The following GNA12 variants were observed in gnomAD, a reference collection of about 807,000 sequenced individuals.
GNA12 encodes the protein guanine nucleotide-binding protein subunit alpha-12.
GNA12 carries 9 observed loss-of-function variants against 26.0 expected under a neutral mutation model. The observed-to-expected ratio is 0.35, with a 90% CI of 0.21 to 0.60. The LOEUF (loss-of-function observed/expected upper bound fraction) is 0.60. Among genes scored for constraint, GNA12 ranks in the 20% least tolerant of loss-of-function variants. The pLI is 0.78. For missense variants in GNA12, 405 were observed against 525.8 expected (o/e 0.77, Z 2.25); for synonymous variants, 264 against 219.6 (o/e 1.20, Z -1.79).
In GNA12 at chr7:2,772,985, C is replaced by G. The variant is rs567903084; in HGVS notation, c.525+21943G>C. On this transcript the variant is annotated intron_variant, in intron 2 of 3. Coordinates refer to ENST00000275364, the MANE Select transcript of GNA12 (RefSeq NM_007353.3). Reference sequence around the variant, plus strand: ...GAAAATACCAATCCACGTAGCAACACAGATGAATCTCTCAGTCATTAAGCA... The same window carrying G: ...GAAAATACCAATCCACGTAGCAACAGAGATGAATCTCTCAGTCATTAAGCA... Among the ~76,000 whole-genome samples the G allele has an allele frequency of 2.6e-5, 4 of 152,352 alleles. No individual in the cohort carries two copies. In the South Asian group the frequency reaches 6.2e-4, roughly 24 times the overall value.
intron 1 of GNA12, among the ~76,000 whole-genome samples, chr7:2,796,722 ATAAAGT>A (rs1210385913): frequency 8.5e-5 from 13 of 152,326 alleles, no homozygotes; most frequent in South Asian, 2.1e-4. Context: ...ATTGTTAAAG[ATAAAGT>A]TAATGTTGTT....
At chr7:2,824,409 GC>G (rs1421152166) in intron 1 of GNA12, among the ~76,000 whole-genome samples, 1 of 152,124 alleles carries the variant, frequency 6.6e-6, no homozygotes, top group East Asian at 1.9e-4. Flanking sequence ...GTCTGCGGAG[GC>G]CTCTGCACTT....
At chr7:2,837,618 G>A (rs75518629) in intron 1 of GNA12, among the ~76,000 whole-genome samples, 4,968 of 152,242 alleles carry the variant, frequency 0.033, 283 homozygotes, top group African/African-American at 0.11. Context: ...TCGGAGAGGA[G>A]ACCAACTCAA....
chr7:2,838,426 G>C (rs1052022882), intron 1 of GNA12, among the ~76,000 whole-genome samples: 1 of 151,974 alleles, frequency 6.6e-6, no homozygotes, highest in Non-Finnish European at 1.5e-5. Flanking sequence ...AATAAATATA[G>C]ATTAAAAATT....
chr7:2,746,072 G>A (rs1450988107), intron 2 of GNA12, among the ~76,000 whole-genome samples: 1 of 152,098 alleles, frequency 6.6e-6, no homozygotes, highest in Non-Finnish European at 1.5e-5. Context: ...ATAATAATGG[G>A]AGACTTTAAC....
rs1415702376 is a variant in GNA12 at position 2,843,713 on chromosome 7, G to A, written c.309+140C>T. 18 of 433,430 alleles carry A rather than the reference G, an allele frequency of 4.2e-5. No individual in the cohort carries two copies. In the East Asian group the frequency reaches 4.8e-4, roughly 12 times the overall value. 26.8% of individuals were successfully genotyped at this position (433,430 alleles called of 1,614,324 possible). On this transcript the variant is annotated intron_variant, in intron 1 of 3. Transcript: ENST00000275364. ...GCCTCGGGGAATGGGTCGGGGGGGA[G>A]TGGGGTGCAGGCGGGGCTGGATCCA...
At chr7:2,784,328 C>T (rs1274256413) in intron 2 of GNA12, among the ~76,000 whole-genome samples, 1 of 152,156 alleles carries the variant, frequency 6.6e-6, no homozygotes, top group Non-Finnish European at 1.5e-5. Context: ...CCCCGTTGCC[C>T]AGGCTGGTCT....
chr7:2,755,735 G>A (rs1205913864), intron 2 of GNA12, among the ~76,000 whole-genome samples: 1 of 151,956 alleles, frequency 6.6e-6, no homozygotes, highest in Non-Finnish European at 1.5e-5. Context: ...TCCTTTTCTT[G>A]CCTTACTGCA....
At chr7:2,836,160 C>T in intron 1 of GNA12, 1 of 225,426 alleles carries the variant, frequency 4.4e-6, no homozygotes, top group South Asian at 6.6e-5. Context: ...TAATGAACTG[C>T]AGAGGATAGA....
At chr7:2,737,115 C>A (rs975178049) in intron 2 of GNA12, among the ~76,000 whole-genome samples, 2 of 152,040 alleles carry the variant, frequency 1.3e-5, no homozygotes, top group East Asian at 1.9e-4. Context: ...AAAAGGTAAC[C>A]GTGGATTGGT....
At chr7:2,804,197 T>C (rs893156753) in intron 1 of GNA12, among the ~76,000 whole-genome samples, 2 of 152,270 alleles carry the variant, frequency 1.3e-5, no homozygotes, top group Non-Finnish European at 2.9e-5. Flanking sequence ...CTTCATGTGC[T>C]AATTCAGTGT....
intron 2 of GNA12, among the ~76,000 whole-genome samples, chr7:2,791,568 C>T (rs1055216300): frequency 6.6e-6 from 1 of 152,228 alleles, no homozygotes; most frequent in African/African-American, 2.4e-5. Context: ...TAGTACCTGG[C>T]TGACAGCAAT....
At chr7:2,794,855 T>TCAAC in intron 2 of GNA12, 73 bp downstream of exon 2, 1 of 1,097,210 alleles carries the variant, frequency 9.1e-7, no homozygotes, top group Non-Finnish European at 1.4e-6. Flanking sequence ...TTAAGGAAAT[T>TCAAC]CAACTAACGG....
chr7:2,832,537 G>A (rs1215705886), intron 1 of GNA12, among the ~76,000 whole-genome samples: 1 of 152,144 alleles, frequency 6.6e-6, no homozygotes, highest in Non-Finnish European at 1.5e-5. Context: ...AGATTCTTCG[G>A]GTCTCAGTGT....
At position 2,808,354 on chromosome 7, in the gene GNA12, C is replaced by T. The variant is rs143416237; in HGVS notation, c.310-13211G>A. Among the ~76,000 whole-genome samples, 39 of 152,344 alleles carry T rather than the reference C, an allele frequency of 2.6e-4. No individual in the cohort carries two copies. In the East Asian group the frequency reaches 7.3e-3, roughly 29 times the overall value. On this transcript the variant is annotated intron_variant, in intron 1 of 3. Coordinates refer to ENST00000275364, the MANE Select transcript of GNA12 (RefSeq NM_007353.3). ...CCCTGCTACCATGCTGCCTGAAAAGCTGCTTCTGCACCTTCTGCAGATCAG... is the reference window on the plus strand; with the variant it reads ...CCCTGCTACCATGCTGCCTGAAAAGTTGCTTCTGCACCTTCTGCAGATCAG...
chr7:2,824,388 G>C (rs528834088), intron 1 of GNA12, among the ~76,000 whole-genome samples: 1 of 152,246 alleles, frequency 6.6e-6, no homozygotes. Context: ...CCATCACACT[G>C]GCTCCTCTGG....
chr7:2,733,493 C>T lies in GNA12; in HGVS notation c.534G>A (p.Ser178=), dbSNP rs35958373. Residue 178 remains serine, a synonymous_variant, in exon 3 of 4, where the codon TCG becomes TCA. Transcript: ENST00000275364. The part of the protein sequence containing the change: ...SRRSEFQLGE[S]VKYFLDNLDR... ...CCAAGTTGTCCAGGAAGTACTTCACCGACTCCCCCTGTCAGGAAGGAAGAA... is the reference window on the plus strand; with the variant it reads ...CCAAGTTGTCCAGGAAGTACTTCACTGACTCCCCCTGTCAGGAAGGAAGAA... The T allele has an allele frequency of 9.3e-6, 15 of 1,613,352 alleles. No homozygotes were observed. The East Asian group carries it at 1.3e-4, about 14-fold the overall frequency.
At chr7:2,759,538 T>C (rs1562411638) in intron 2 of GNA12, among the ~76,000 whole-genome samples, 1 of 152,234 alleles carries the variant, frequency 6.6e-6, no homozygotes, top group African/African-American at 2.4e-5. Context: ...AAAGGAATAA[T>C]TAGCCAAATA....
chr7:2,829,623 A>G (rs1276827719), intron 1 of GNA12, among the ~76,000 whole-genome samples: 1 of 152,146 alleles, frequency 6.6e-6, no homozygotes, highest in Non-Finnish European at 1.5e-5. Flanking sequence ...ATTCTTATAC[A>G]ATATAGAGCA....
Sources: gnomAD v4.1 joint callset for allele counts (sites outside exome capture counted in the v4.1 genomes callset) on GRCh38, gnomAD v4.1.1 for gene constraint, MANE v1.5 for transcripts, NCBI Gene and HGNC (gene_info 2026-07-23, HGNC 2026-07-21) for gene names.